Variants in FRRS1L observed in about 807,000 individuals in gnomAD.
The protein encoded by FRRS1L is ferric chelate reductase 1 like, also known as DOMON domain-containing protein FRRS1L.
In FRRS1L, 22 loss-of-function variants were observed where a neutral mutation model predicts 28.6. That is an observed-to-expected ratio of 0.77 (90% CI 0.55 to 1.10). The LOEUF is 1.10. Among genes scored for constraint, FRRS1L ranks in the 50% least tolerant of loss-of-function variants. The pLI is 0.00. For synonymous variants in FRRS1L, 158 were observed against 151.4 expected (o/e 1.04, Z -0.32); for missense variants, 380 against 386.9 (o/e 0.98, Z 0.15).
chr9:109,140,062 A>T (rs1438181899), intron 4 of FRRS1L: 1 of 152,242 alleles, frequency 6.6e-6, no homozygotes, highest in Non-Finnish European at 1.5e-5. Context: ...AAAAGGTCTC[A>T]TGATATCCTT....
At chr9:109,154,131 T>C (rs1397460560) in intron 1 of FRRS1L, among the ~76,000 whole-genome samples, 1 of 152,208 alleles carries the variant, frequency 6.6e-6, no homozygotes, top group African/African-American at 2.4e-5. Flanking sequence ...CCCATGCTGC[T>C]CTGAGGCATC....
At chr9:109,152,958 A>G (rs1480451300) in intron 1 of FRRS1L, among the ~76,000 whole-genome samples, 1 of 152,042 alleles carries the variant, frequency 6.6e-6, no homozygotes, top group Admixed American at 6.6e-5. Context: ...TTCTAGCACT[A>G]ATTTTCTATT....
chr9:109,142,658 T>TA (rs1395939452), intron 3 of FRRS1L, among the ~76,000 whole-genome samples: 1 of 151,854 alleles, frequency 6.6e-6, no homozygotes, highest in Non-Finnish European at 1.5e-5. Flanking sequence ...TACAAAAAAT[T>TA]AAAAAATTAG....
At chr9:109,142,396 T>C (rs978874108) in intron 3 of FRRS1L, among the ~76,000 whole-genome samples, 16 of 152,308 alleles carry the variant, frequency 1.1e-4, no homozygotes, top group East Asian at 1.9e-4. Context: ...GGAGTAGTGA[T>C]GGTTGCAGAA....
chr9:109,160,548 G>A (rs1053375374), intron 1 of FRRS1L, among the ~76,000 whole-genome samples: 24 of 152,072 alleles, frequency 1.6e-4, no homozygotes, highest in African/African-American at 4.8e-4. Context: ...CACCATGACT[G>A]GCTAACTTTT....
chr9:109,130,782 C>T lies in FRRS1L; in HGVS notation c.*6673G>A, dbSNP rs1290530603. On this transcript the variant is annotated 3_prime_UTR_variant, in exon 5 of 5. Coordinates refer to ENST00000561981, the MANE Select transcript of FRRS1L (RefSeq NM_014334.4). ...TCCGGAGAAGCTGCATTCACTCTTC[C>T]CCATGGCCAGGGCCTTCTATGTGAT... is the stretch of plus-strand genomic sequence containing the variant. 1 of 152,212 alleles carries T rather than the reference C, an allele frequency of 6.6e-6. No homozygotes were observed. Among genetic ancestry groups the T allele is most frequent in the Non-Finnish European group, 1.5e-5 (1 of 68,044 alleles). 9.4% of individuals were successfully genotyped at this position (152,212 alleles called of 1,614,324 possible). A position where few individuals can be genotyped will look rare whatever the true frequency, so the allele number is the denominator to read the frequency against.
intron 4 of FRRS1L, chr9:109,141,060 C>A (rs1462861014): frequency 1.7e-5 from 8 of 466,086 alleles, no homozygotes; most frequent in Non-Finnish European, 3.1e-5. Flanking sequence ...GCCCTACATA[C>A]AGCAGATACA....
chr9:109,152,174 G>T (rs772771915), intron 1 of FRRS1L: 2 of 151,378 alleles, frequency 1.3e-5, no homozygotes, highest in Non-Finnish European at 2.9e-5. Flanking sequence ...TTTTGAGACA[G>T]AGCCTTGCTC....
At chr9:109,148,515 T>C (rs945244917) in intron 2 of FRRS1L, 1 of 152,138 alleles carries the variant, frequency 6.6e-6, no homozygotes, top group African/African-American at 2.4e-5. Context: ...ATTTGCAGAA[T>C]GGTAGAAAGT....
intron 1 of FRRS1L, among the ~76,000 whole-genome samples, chr9:109,157,365 T>C (rs190180203): frequency 2.0e-4 from 30 of 152,288 alleles, no homozygotes; most frequent in Non-Finnish European, 1.8e-4. Flanking sequence ...TTATCATTCA[T>C]ATAATTGAAA....
intron 4 of FRRS1L, chr9:109,139,279 G>C (rs1831151000): frequency 6.6e-6 from 1 of 152,170 alleles, no homozygotes; most frequent in African/African-American, 2.4e-5. Context: ...ATATGGGGTA[G>C]GAATGTGCCT....
intron 3 of FRRS1L, among the ~76,000 whole-genome samples, chr9:109,144,180 T>C (rs1031996588): frequency 3.9e-5 from 6 of 151,984 alleles, no homozygotes; most frequent in African/African-American, 1.5e-4. Flanking sequence ...CTAATATCTA[T>C]CCATGCAGTC....
intron 1 of FRRS1L, among the ~76,000 whole-genome samples, chr9:109,164,618 G>A (rs12375700): frequency 0.096 from 14,650 of 151,878 alleles, 952 homozygotes; most frequent in East Asian, 0.16. Context: ...GGCTAGTCTC[G>A]AACTCCTGAC....
chr9:109,137,453 G>C lies in FRRS1L; in HGVS notation c.*2C>G. 3 of 1,585,060 alleles carry C rather than the reference G, an allele frequency of 1.9e-6. No homozygotes were observed. In the South Asian group the frequency reaches 3.5e-5, roughly 18 times the overall value. On this transcript the variant is annotated 3_prime_UTR_variant, in exon 5 of 5. Transcript: ENST00000561981. ...TGTAATCTGTTGGCCCTGCAGCTGT[G>C]GTTAGGGGGTTCCCATCAATAGGTA...
chr9:109,162,049 C>G (rs1174404598), intron 1 of FRRS1L, among the ~76,000 whole-genome samples: 3 of 152,198 alleles, frequency 2.0e-5, no homozygotes, highest in Non-Finnish European at 4.4e-5. Context: ...GACATGGTGG[C>G]TCACGCATGT....
chr9:109,166,159 C>T (rs1009042376), intron 1 of FRRS1L, among the ~76,000 whole-genome samples: 1 of 152,208 alleles, frequency 6.6e-6, no homozygotes, highest in Admixed American at 6.5e-5. Flanking sequence ...CACTACTTCC[C>T]AAAGTTGCTT....
chr9:109,141,411 C>T lies in FRRS1L; in HGVS notation c.641G>A (p.Arg214Lys), dbSNP rs766579200. 2 of 1,614,146 alleles carry T rather than the reference C, an allele frequency of 1.2e-6. No individual in the cohort carries two copies. The highest frequency in any genetic ancestry group is 4.5e-5 in the East Asian group (2 of 44,876). The change falls in exon 4 of 5, where the codon AGA becomes AAA. Residue 214 changes from arginine (R) to lysine (K), a missense_variant. Physicochemically the swap from Arg to Lys is conservative, Grantham distance 26 (BLOSUM62 2). Coordinates refer to ENST00000561981, the MANE Select transcript of FRRS1L (RefSeq NM_014334.4). The stretch of plus-strand genomic sequence containing the variant: ...ATGCAGATCAACAATTGTTTCATCT[C>T]TGGGAACATTCACAGGGCGTTTAAA... ...CRFKRPVNVP[R>K]DETIVDLHLS...
Position 109,166,969 on chromosome 9 carries a change from G to A in FRRS1L, c.170C>T (p.Pro57Leu). The change falls in exon 1 of 5, where the codon CCG becomes CTG. Residue 57 changes from proline to leucine, a missense_variant. Coordinates refer to ENST00000561981, the MANE Select transcript of FRRS1L (RefSeq NM_014334.4). ...RGDTGADEAV[P>L]RHDSSYGTFA... is the part of the protein sequence containing the mutation. ...GGTGCCGTAGGAGGAGTCGTGGCGC[G>A]GCACCGCCTCGTCGGCGCCCGTGTC... 1 of 1,322,728 alleles carries A rather than the reference G, an allele frequency of 7.6e-7. No homozygotes were observed. The highest frequency in any genetic ancestry group is 9.7e-7 in the Non-Finnish European group (1 of 1,028,476). The allele number at this position is 1,322,728 out of a possible 1,614,324, so 81.9% of individuals were successfully genotyped here. A position where few individuals can be genotyped will look rare whatever the true frequency, so the allele number is the denominator to read the frequency against.
intron 1 of FRRS1L, 100 bp from the exon 2 acceptor site, chr9:109,149,820 G>A (rs927580706): frequency 1.3e-5 from 10 of 799,532 alleles, no homozygotes; most frequent in Non-Finnish European, 1.9e-5. Context: ...CACATATCGA[G>A]AAATGTTTGG....
Sources: allele counts gnomAD v4.1 joint callset (sites outside exome capture counted in the v4.1 genomes callset), GRCh38; gene constraint gnomAD v4.1.1; transcripts MANE v1.5; gene names NCBI Gene and HGNC (gene_info 2026-07-23, HGNC 2026-07-21).